The following UHMK1 variants were observed in gnomAD, a reference collection of about 807,000 sequenced individuals.
The protein encoded by UHMK1 is serine/threonine-protein kinase Kist.
Under a neutral mutation model 44.0 loss-of-function variants are expected in UHMK1, and 18 were observed. The observed-to-expected ratio is 0.41, with a 90% CI of 0.28 to 0.61. UHMK1 has a LOEUF of 0.61. Ranked by LOEUF, UHMK1 falls within the 20% of genes least tolerant of loss-of-function variation. The pLI is 0.31. For synonymous variants in UHMK1, 231 were observed against 198.5 expected, an observed-to-expected ratio of 1.16 and a Z score of -1.38; for missense variants, 463 against 522.5, an observed-to-expected ratio of 0.89 and a Z score of 1.11.
chr1:162,503,203 A>G (rs1651338590), intron 3 of UHMK1, among the ~76,000 whole-genome samples: 1 of 151,992 alleles, frequency 6.6e-6, no homozygotes, highest in Admixed American at 6.6e-5. Context: ...TTCGGTATTT[A>G]TTTTTTATTC....
At chr1:162,506,120 A>G (rs1651458385) in intron 4 of UHMK1, among the ~76,000 whole-genome samples, 1 of 152,168 alleles carries the variant, frequency 6.6e-6, no homozygotes, top group African/African-American at 2.4e-5. Context: ...TTTACATTGA[A>G]GAGATGGGAA....
chr1:162,500,943 C>T lies in UHMK1; in HGVS notation c.592C>T (p.Arg198Trp), dbSNP rs764963942. 15 of 1,613,866 alleles carry T rather than the reference C, an allele frequency of 9.3e-6. No individual in the cohort carries two copies. The highest frequency in any genetic ancestry group is 4.5e-5 in the East Asian group (2 of 44,886). Residue 198 changes from arginine to tryptophan, a missense_variant, in exon 3 of 8, where the codon CGG becomes TGG. Coordinates refer to ENST00000489294, the MANE Select transcript of UHMK1 (RefSeq NM_175866.5). ...DVKYIQTDGY[R>W]APEAELQNCL... ...AAAGTATATTCAGACAGACGGGTAT[C>T]GGGCTCCAGAAGCAGAATTGCAAAA... is the stretch of plus-strand genomic sequence containing the variant.
rs558927923 is a variant in UHMK1 at position 162,497,841 on chromosome 1, C to A, written c.-160C>A. The stretch of plus-strand genomic sequence containing the variant: ...CTGGGACTCGGGTGCACCACGGCTT[C>A]CGGTGTCATGGCTGCTTGAAGTCCC... On this transcript the variant is annotated 5_prime_UTR_variant, in exon 1 of 8. Transcript: ENST00000489294. 3.2e-5 allele frequency: 43 copies of A among 1,355,170 alleles called. No homozygotes were observed. The Admixed American group carries it at 3.4e-4, about 11-fold the overall frequency. 83.9% of individuals were successfully genotyped at this position (1,355,170 alleles called of 1,614,324 possible).
rs542246135 is a variant in UHMK1, at chr1:162,505,539, C to G, written c.848+1691C>G. On this transcript the variant is annotated intron_variant, in intron 4 of 7. Coordinates refer to ENST00000489294, the MANE Select transcript of UHMK1 (RefSeq NM_175866.5). Reference sequence around the variant, plus strand: ...CCTGCATTACCTGCATTACCACAAGCATGTGAGTGATGTGTTGCGATAGGA... The same window carrying G: ...CCTGCATTACCTGCATTACCACAAGGATGTGAGTGATGTGTTGCGATAGGA... Among the ~76,000 whole-genome samples the G allele has an allele frequency of 7.2e-5, 11 of 152,342 alleles. No homozygotes were observed. In the South Asian group the frequency reaches 2.3e-3, roughly 32 times the overall value.
chr1:162,522,652 T>C lies in UHMK1; in HGVS notation c.*102T>C, dbSNP rs1480191190. 1 of 1,291,140 alleles carries C rather than the reference T, an allele frequency of 7.7e-7. No individual in the cohort carries two copies. The highest frequency in any genetic ancestry group is 1.1e-6 in the Non-Finnish European group (1 of 939,184). 80.0% of individuals were successfully genotyped at this position (1,291,140 alleles called of 1,614,324 possible). On this transcript the variant is annotated 3_prime_UTR_variant, in exon 8 of 8. Transcript: ENST00000489294. The stretch of plus-strand genomic sequence containing the variant: ...CCCTTACCATTTTAAGAAGGTACTT[T>C]ATACATTTATTTAATCCTACTAATG...
At chr1:162,499,915 C>CT (rs1377447191) in intron 1 of UHMK1, 40 bp from the exon 2 acceptor site, 3 of 1,598,024 alleles carry the variant, frequency 1.9e-6, no homozygotes, top group Non-Finnish European at 2.6e-6. Context: ...GTGACTTACT[C>CT]TGAGTCTGAT....
chr1:162,515,178 GTTTCCT>G (rs1651793974), intron 6 of UHMK1, among the ~76,000 whole-genome samples: 1 of 151,938 alleles, frequency 6.6e-6, no homozygotes, highest in African/African-American at 2.4e-5. Context: ...TTTATTTTAT[GTTTCCT>G]TTTCCTTTTA....
intron 7 of UHMK1, among the ~76,000 whole-genome samples, chr1:162,519,652 A>G (rs546354010): frequency 1.6e-4 from 25 of 152,230 alleles, no homozygotes; most frequent in Admixed American, 2.6e-4. Context: ...ATGTAAGAAG[A>G]TATTTATTTG....
intron 4 of UHMK1, among the ~76,000 whole-genome samples, chr1:162,504,376 A>G (rs940113011): frequency 1.3e-5 from 2 of 152,226 alleles, no homozygotes; most frequent in Non-Finnish European, 2.9e-5. Context: ...TGTGAGAAAT[A>G]TGTCATTAGG....
chr1:162,511,048 T>G (rs1270194163), intron 4 of UHMK1, among the ~76,000 whole-genome samples: 2 of 152,140 alleles, frequency 1.3e-5, no homozygotes, highest in Non-Finnish European at 2.9e-5. Context: ...TTAGCGATAT[T>G]GAGCATTTCT....
At position 162,526,963 on chromosome 1, in the gene UHMK1, G is replaced by A. The variant is rs908573161; in HGVS notation, c.*4413G>A. On this transcript the variant is annotated 3_prime_UTR_variant, in exon 8 of 8. Transcript: ENST00000489294. Reference sequence around the variant, plus strand: ...CTCAAAAGAATCCCCATTTCTTAAGGTGCTCAGTCAATCACCTTTATTTTG... The same window carrying A: ...CTCAAAAGAATCCCCATTTCTTAAGATGCTCAGTCAATCACCTTTATTTTG... 1 of 152,012 alleles carries A rather than the reference G, an allele frequency of 6.6e-6. No individual in the cohort carries two copies. Among genetic ancestry groups the A allele is most frequent in the African/African-American group, 2.4e-5 (1 of 41,428 alleles). The allele number at this position is 152,012 out of a possible 1,614,324, so 9.4% of individuals were successfully genotyped here. A position where few individuals can be genotyped will look rare whatever the true frequency, so the allele number is the denominator to read the frequency against.
At position 162,522,744 on chromosome 1, in the gene UHMK1, G is replaced by T; in HGVS notation, c.*194G>T. 1.8e-6 allele frequency: 1 copy of T among 559,712 alleles called. No individual in the cohort carries two copies. The allele number at this position is 559,712 out of a possible 1,614,324, so 34.7% of individuals were successfully genotyped here. A position where few individuals can be genotyped will look rare whatever the true frequency, so the allele number is the denominator to read the frequency against. On this transcript the variant is annotated 3_prime_UTR_variant, in exon 8 of 8. Transcript: ENST00000489294. ...GCACTGAGTAGGACAAGACCTCTCA[G>T]CTATACATTGAGGGGTTTTAGAGCA...
chr1:162,522,320 A>G (rs1291449559), intron 7 of UHMK1, 84 bp from the exon 8 acceptor site: 10 of 1,445,136 alleles, frequency 6.9e-6, no homozygotes, highest in Non-Finnish European at 9.5e-6. Context: ...TCTCCAGTTG[A>G]TGTATATATA....
intron 1 of UHMK1, among the ~76,000 whole-genome samples, chr1:162,498,703 C>T (rs1272960611): frequency 6.6e-6 from 1 of 152,052 alleles, no homozygotes; most frequent in Non-Finnish European, 1.5e-5. Flanking sequence ...ATCTTTAGTA[C>T]GGATTTGGAA....
intron 7 of UHMK1, 34 bp from the exon 8 acceptor site, chr1:162,522,370 G>T (rs1356014479): frequency 5.0e-6 from 8 of 1,610,926 alleles, no homozygotes; most frequent in Non-Finnish European, 5.1e-6. Flanking sequence ...AATCTTGGTG[G>T]AAATGAAATG....
intron 3 of UHMK1, 132 bp from the exon 4 acceptor site, chr1:162,503,611 CAAAAAAAAAAA>C: frequency 5.6e-6 from 2 of 356,082 alleles, no homozygotes; most frequent in Middle Eastern, 8.0e-4. Flanking sequence ...ACCCTGTCTC[CAAAAAAAAAAA>C]AAAAAAAAAG....
intron 6 of UHMK1, among the ~76,000 whole-genome samples, chr1:162,514,331 T>G (rs570372637): frequency 1.3e-5 from 2 of 151,882 alleles, no homozygotes; most frequent in Admixed American, 1.3e-4. Flanking sequence ...ACATGATGTC[T>G]CTCACTTACT....
chr1:162,500,259 CCTTTT>C lies in UHMK1; in HGVS notation c.561+20_561+24del, dbSNP rs758812150. On this transcript the variant is annotated intron_variant, in intron 2 of 7. Transcript: ENST00000489294. ...AAGAAGGCAATCAGGTAAGAAATAA[CCTTTT>C]CTTTTCTCTCGCAGTTTAAAATGTA... is the stretch of plus-strand genomic sequence containing the variant. 49 of 1,599,840 alleles carry C rather than the reference CCTTTT, an allele frequency of 3.1e-5. No homozygotes were observed. The highest frequency in any genetic ancestry group is 4.1e-5 in the Non-Finnish European group (48 of 1,170,978).
chr1:162,517,203 G>A (rs1386635830), intron 6 of UHMK1, among the ~76,000 whole-genome samples: 3 of 152,148 alleles, frequency 2.0e-5, no homozygotes, highest in South Asian at 2.1e-4. Context: ...AGAGGCTGAG[G>A]CAGGAGAATC....
Sources: gnomAD v4.1 joint callset for allele counts (sites outside exome capture counted in the v4.1 genomes callset) on GRCh38, gnomAD v4.1.1 for gene constraint, MANE v1.5 for transcripts, NCBI Gene and HGNC (gene_info 2026-07-23, HGNC 2026-07-21) for gene names.